Variants in NALCN observed in about 807,000 individuals in gnomAD.
The protein encoded by NALCN is sodium leak channel NALCN.
NALCN carries 111 observed loss-of-function variants against 225.3 expected under a neutral mutation model. That is an observed-to-expected ratio of 0.49 (90% CI 0.42 to 0.58). The LOEUF is 0.58. Among genes scored for constraint, NALCN ranks in the 20% least tolerant of loss-of-function variants. NALCN has a pLI of 0.00. For synonymous variants in NALCN, 764 were observed against 769.0 expected (o/e 0.99, Z 0.11); for missense variants, 1,378 against 2,202.4 (o/e 0.63, Z 7.49).
chr13:101,156,531 GTA>G (rs137879353), intron 15 of NALCN, among the ~76,000 whole-genome samples: 15 of 148,676 alleles, frequency 1.0e-4, no homozygotes, highest in East Asian at 2.0e-4. Flanking sequence ...ATGTATGCAG[GTA>G]TATATATATA....
intron 14 of NALCN, among the ~76,000 whole-genome samples, chr13:101,186,494 A>C (rs1338843807): frequency 6.6e-6 from 1 of 152,218 alleles, no homozygotes; most frequent in Non-Finnish European, 1.5e-5. Context: ...AGGAAAAGAG[A>C]AACAACTGCT....
chr13:101,298,706 G>A (rs1468898649), intron 7 of NALCN, among the ~76,000 whole-genome samples: 1 of 152,228 alleles, frequency 6.6e-6, no homozygotes, highest in African/African-American at 2.4e-5. Context: ...TTTGGTACTA[G>A]TGACATCTGC....
intron 13 of NALCN, among the ~76,000 whole-genome samples, chr13:101,211,627 G>A (rs1283185599): frequency 9.8e-5 from 14 of 143,490 alleles, no homozygotes; most frequent in African/African-American, 2.7e-5. Flanking sequence ...GTTTTTTTTG[G>A]GGGGGGAGAC....
At chr13:101,331,590 G>A (rs990469504) in intron 7 of NALCN, among the ~76,000 whole-genome samples, 1 of 152,086 alleles carries the variant, frequency 6.6e-6, no homozygotes, top group Non-Finnish European at 1.5e-5. Context: ...TACACACTGT[G>A]AAGAACTATC....
At chr13:101,397,190 C>T (rs186950799) in intron 2 of NALCN, among the ~76,000 whole-genome samples, 133 of 146,672 alleles carry the variant, frequency 9.1e-4, no homozygotes, top group Non-Finnish European at 8.7e-4. Context: ...CATGTAAATA[C>T]ACATACATGT....
intron 4 of NALCN, 79 bp from the exon 5 acceptor site, chr13:101,377,135 CA>C: frequency 6.4e-7 from 1 of 1,565,280 alleles, no homozygotes; most frequent in African/African-American, 1.4e-5. Context: ...CAGATGTTAG[CA>C]GCATAAGTAG....
intron 7 of NALCN, among the ~76,000 whole-genome samples, chr13:101,305,822 T>C (rs1385875447): frequency 6.6e-6 from 1 of 152,258 alleles, no homozygotes; most frequent in South Asian, 2.1e-4. Flanking sequence ...GCAGCCACTC[T>C]GTGTTGGTCA....
intron 6 of NALCN, among the ~76,000 whole-genome samples, chr13:101,351,140 T>C (rs941017978): frequency 1.3e-5 from 2 of 152,190 alleles, no homozygotes; most frequent in African/African-American, 4.8e-5. Context: ...AATGTGTCTT[T>C]CTACCATTAT....
At chr13:101,129,770 G>A (rs917853179) in intron 17 of NALCN, among the ~76,000 whole-genome samples, 3 of 148,196 alleles carry the variant, frequency 2.0e-5, no homozygotes, top group African/African-American at 7.5e-5. Context: ...TGAGCAGAAC[G>A]TGCAGGTTTG....
At chr13:101,077,602 G>C (rs1204153626) in intron 34 of NALCN, among the ~76,000 whole-genome samples, 1 of 152,232 alleles carries the variant, frequency 6.6e-6, no homozygotes, top group Non-Finnish European at 1.5e-5. Context: ...GAATTTAAGA[G>C]AGATGATTTA....
chr13:101,121,874 T>A (rs1217201422), intron 18 of NALCN, among the ~76,000 whole-genome samples: 5 of 151,742 alleles, frequency 3.3e-5, no homozygotes, highest in African/African-American at 1.2e-4. Context: ...ACTGAAAAAG[T>A]GGTGGAGAGC....
At chr13:101,150,546 G>T (rs556891402) in intron 15 of NALCN, among the ~76,000 whole-genome samples, 1 of 149,426 alleles carries the variant, frequency 6.7e-6, no homozygotes, top group East Asian at 1.9e-4. Context: ...AGTAGACAGG[G>T]TGTGTGTTGG....
At chr13:101,116,166 C>T (rs2035697089) in intron 18 of NALCN, among the ~76,000 whole-genome samples, 1 of 152,032 alleles carries the variant, frequency 6.6e-6, no homozygotes, top group Non-Finnish European at 1.5e-5. Flanking sequence ...GAATATTCTT[C>T]AGCAAACACA....
At chr13:101,273,172 C>A (rs775241922) in intron 10 of NALCN, among the ~76,000 whole-genome samples, 2 of 152,142 alleles carry the variant, frequency 1.3e-5, no homozygotes, top group African/African-American at 2.4e-5. Context: ...AAGTGTGCAG[C>A]CACATCTGTC....
intron 6 of NALCN, among the ~76,000 whole-genome samples, chr13:101,362,753 G>A (rs757654992): frequency 6.6e-6 from 1 of 151,986 alleles, no homozygotes; most frequent in East Asian, 1.9e-4. Flanking sequence ...AATCAGATAA[G>A]AGAAAGAAAT....
chr13:101,071,545 G>A (rs922143295), intron 37 of NALCN, among the ~76,000 whole-genome samples: 4 of 152,060 alleles, frequency 2.6e-5, no homozygotes, highest in Non-Finnish European at 5.9e-5. Context: ...TTTCTACAGC[G>A]TCCTCACCTC....
intron 6 of NALCN, among the ~76,000 whole-genome samples, chr13:101,347,150 C>T (rs116372591): frequency 0.02 from 3,068 of 151,800 alleles, 107 homozygotes; most frequent in African/African-American, 0.07. Flanking sequence ...TACACACACA[C>T]ACACACACAC....
intron 3 of NALCN, among the ~76,000 whole-genome samples, chr13:101,379,954 C>A (rs2046802911): frequency 6.6e-6 from 1 of 151,924 alleles, no homozygotes; most frequent in African/African-American, 2.4e-5. Context: ...TACAGTTCTG[C>A]ATAATAATAT....
chr13:101,250,300 CA>C (rs767944703), intron 11 of NALCN, among the ~76,000 whole-genome samples: 47 of 151,916 alleles, frequency 3.1e-4, no homozygotes, highest in Non-Finnish European at 5.6e-4. Context: ...GCAAGAATAG[CA>C]AGACCAAGAA....
Sources: gnomAD v4.1 joint callset for allele counts (sites outside exome capture counted in the v4.1 genomes callset) on GRCh38, gnomAD v4.1.1 for gene constraint, MANE v1.5 for transcripts, NCBI Gene and HGNC (gene_info 2026-07-23, HGNC 2026-07-21) for gene names.